Variants in KATNIP observed in about 807,000 individuals in gnomAD.
The protein encoded by KATNIP is katanin-interacting protein.
A neutral mutation model predicts 174.0 loss-of-function variants in KATNIP; 126 were observed. That is an observed-to-expected ratio of 0.72 (90% CI 0.63 to 0.84). The LOEUF (loss-of-function observed/expected upper bound fraction) is 0.84, where lower values mean the gene tolerates loss of function less well. KATNIP is among the 40% of genes least tolerant of loss of function. The probability of loss-of-function intolerance (pLI) is 0.00; values close to 1 mark genes in which losing one functional copy is unlikely to be tolerated. For missense variants in KATNIP, 1,958 were observed against 2,109.7 expected (o/e 0.93, Z 1.41); for synonymous variants, 810 against 835.7 (o/e 0.97, Z 0.53).
intron 6 of KATNIP, among the ~76,000 whole-genome samples, chr16:27,657,010 T>G (rs1372063358): frequency 6.6e-6 from 1 of 151,718 alleles, no homozygotes; most frequent in African/African-American, 2.4e-5. Context: ...GGAGAGGAAT[T>G]GCTACATAAA....
At chr16:27,728,327 G>C (rs1053171412) in intron 14 of KATNIP, among the ~76,000 whole-genome samples, 4 of 152,260 alleles carry the variant, frequency 2.6e-5, no homozygotes, top group East Asian at 3.8e-4. Flanking sequence ...TCCTCACTCA[G>C]GTAGGTACAG....
chr16:27,749,846 TG>T lies in KATNIP; in HGVS notation c.2891del (p.Gly964ValfsTer33). The T allele has an allele frequency of 6.2e-7, 1 of 1,614,138 alleles. No homozygotes were observed. Among genetic ancestry groups the T allele is most frequent in the Non-Finnish European group, 8.5e-7 (1 of 1,180,002 alleles). ...QDGYSGETDA[G>X]GDFKIPVLPY... is the part of the protein sequence containing the mutation. The stretch of plus-strand genomic sequence containing the variant: ...ATGGCTACTCTGGAGAGACAGACGC[TG>T]GGGGTGACTTTAAAATCCCCGTCTT... On this transcript the variant is annotated frameshift_variant, in exon 16 of 28. Transcript: ENST00000261588. LOFTEE classifies it high-confidence loss of function.
At chr16:27,599,092 C>T (rs1004546741) in intron 2 of KATNIP, among the ~76,000 whole-genome samples, 3 of 152,240 alleles carry the variant, frequency 2.0e-5, no homozygotes, top group Non-Finnish European at 4.4e-5. Flanking sequence ...CAGCCCAACA[C>T]CTGCTGCCCA....
At chr16:27,746,392 T>C (rs1378790520) in intron 15 of KATNIP, among the ~76,000 whole-genome samples, 12 of 152,154 alleles carry the variant, frequency 7.9e-5, no homozygotes, top group Non-Finnish European at 1.3e-4. Flanking sequence ...GCCTCGTGCC[T>C]GAGGGGAGAG....
chr16:27,611,061 C>T (rs917572950), intron 2 of KATNIP, among the ~76,000 whole-genome samples: 2 of 152,168 alleles, frequency 1.3e-5, no homozygotes, highest in Non-Finnish European at 2.9e-5. Context: ...TGTGCTCTGA[C>T]CACCTTGGGC....
intron 8 of KATNIP, among the ~76,000 whole-genome samples, chr16:27,697,125 T>G (rs1427202572): frequency 6.6e-6 from 1 of 152,222 alleles, no homozygotes; most frequent in Non-Finnish European, 1.5e-5. Flanking sequence ...GACATGTGCA[T>G]GTGTCTTTAT....
chr16:27,650,281 C>G (rs2077081067), intron 6 of KATNIP, among the ~76,000 whole-genome samples: 1 of 151,880 alleles, frequency 6.6e-6, no homozygotes, highest in Non-Finnish European at 1.5e-5. Context: ...GAGCAGGATG[C>G]AGGCACAGTG....
chr16:27,606,151 C>T (rs1293620867), intron 2 of KATNIP, among the ~76,000 whole-genome samples: 2 of 152,028 alleles, frequency 1.3e-5, no homozygotes, highest in African/African-American at 4.8e-5. Flanking sequence ...GAAAAAGAAG[C>T]AGGCTCAGAT....
chr16:27,562,555 A>T (rs900702536), intron 1 of KATNIP, among the ~76,000 whole-genome samples: 1 of 152,190 alleles, frequency 6.6e-6, no homozygotes, highest in Non-Finnish European at 1.5e-5. Context: ...AGATACTCAG[A>T]AGACACTTTA....
chr16:27,559,746 C>T (rs111703582), intron 1 of KATNIP, among the ~76,000 whole-genome samples: 5 of 150,694 alleles, frequency 3.3e-5, no homozygotes, highest in South Asian at 2.1e-4. Context: ...TTTGGGAGGC[C>T]GAGGCAGGCG....
chr16:27,600,345 G>A (rs902984190), intron 2 of KATNIP, among the ~76,000 whole-genome samples: 1 of 152,210 alleles, frequency 6.6e-6, no homozygotes, highest in African/African-American at 2.4e-5. Context: ...GTATGTGAGA[G>A]TTAATCCAGT....
intron 18 of KATNIP, among the ~76,000 whole-genome samples, chr16:27,756,577 G>C (rs1041054382): frequency 1.4e-4 from 22 of 152,184 alleles, no homozygotes; most frequent in African/African-American, 5.3e-4. Flanking sequence ...GGTTGCCACT[G>C]GGAGAGCACC....
chr16:27,773,092 G>A lies in KATNIP; in HGVS notation c.4199-7G>A, dbSNP rs562923272. The A allele has an allele frequency of 3.9e-6, 6 of 1,554,774 alleles. No individual in the cohort carries two copies. The East Asian group carries it at 1.1e-4, about 29-fold the overall frequency. ...TAAGCCTTCTTTTCCTTAATAAAGT[G>A]TCCCAGTCATTTTCCAGTTTCAGCT... On this transcript the variant is annotated splice_region_variant and splice_polypyrimidine_tract_variant and intron_variant, in intron 22 of 27. Transcript: ENST00000261588.
At chr16:27,671,477 C>T (rs2077900305) in intron 6 of KATNIP, among the ~76,000 whole-genome samples, 1 of 152,120 alleles carries the variant, frequency 6.6e-6, no homozygotes, top group Non-Finnish European at 1.5e-5. Flanking sequence ...ACCATGTGGA[C>T]CATTCTCTAT....
rs114904042 is a variant in KATNIP, at chr16:27,563,477, C to T, written c.8-10424C>T. Among the ~76,000 whole-genome samples, 1,291 of 152,230 alleles carry T rather than the reference C, an allele frequency of 8.5e-3. 20 individuals carry two copies. Among genetic ancestry groups the T allele is most frequent in the African/African-American group, 0.03 (1,246 of 41,536 alleles). On this transcript the variant is annotated intron_variant, in intron 1 of 27. Transcript: ENST00000261588. ...AGGCTGCAGTGAGCTGTGATCACAC[C>T]ACTGCAGTCCAGCCTGGGCAATAGA...
At chr16:27,634,826 T>A (rs2076587781) in intron 5 of KATNIP, among the ~76,000 whole-genome samples, 1 of 152,084 alleles carries the variant, frequency 6.6e-6, no homozygotes, top group African/African-American at 2.4e-5. Flanking sequence ...TGCTGGCAAG[T>A]CTATACACAT....
At chr16:27,764,849 G>T (rs981241661) in intron 19 of KATNIP, among the ~76,000 whole-genome samples, 1 of 152,212 alleles carries the variant, frequency 6.6e-6, no homozygotes, top group Non-Finnish European at 1.5e-5. Flanking sequence ...AGACACTCCA[G>T]TGTGGAATTG....
intron 13 of KATNIP, among the ~76,000 whole-genome samples, chr16:27,718,963 TCCTC>T (rs946867939): frequency 6.6e-6 from 1 of 151,978 alleles, no homozygotes; most frequent in East Asian, 1.9e-4. Context: ...GATCAGCCAA[TCCTC>T]CCTCCCTGGC....
chr16:27,596,240 T>C (rs1023318522), intron 2 of KATNIP, among the ~76,000 whole-genome samples: 5 of 151,906 alleles, frequency 3.3e-5, no homozygotes, highest in African/African-American at 1.2e-4. Flanking sequence ...GTGGGGGTGC[T>C]GAGAAGGGGC....
Sources: allele counts gnomAD v4.1 joint callset (sites outside exome capture counted in the v4.1 genomes callset), GRCh38; gene constraint gnomAD v4.1.1; transcripts MANE v1.5; gene names NCBI Gene and HGNC (gene_info 2026-07-23, HGNC 2026-07-21).